The following LARGE1 variants were observed in gnomAD, a reference collection of about 807,000 sequenced individuals.
LARGE1 encodes LARGE xylosyl- and glucuronyltransferase 1.
A neutral mutation model predicts 87.6 loss-of-function variants in LARGE1; 43 were observed. That is an observed-to-expected ratio of 0.49 (90% CI 0.38 to 0.63). The LOEUF (loss-of-function observed/expected upper bound fraction) is 0.63, where lower values mean the gene tolerates loss of function less well. Among genes scored for constraint, LARGE1 ranks in the 30% least tolerant of loss-of-function variants. The pLI, the probability that LARGE1 is intolerant of heterozygous loss-of-function variation, is 0.00. For missense variants in LARGE1, 802 were observed against 1,000.2 expected (o/e 0.80, Z 2.67); for synonymous variants, 434 against 394.6 (o/e 1.10, Z -1.18).
intron 11 of LARGE1, among the ~76,000 whole-genome samples, chr22:33,199,941 C>CTGGGTT (rs1924291806): frequency 1.3e-5 from 2 of 151,924 alleles, no homozygotes; most frequent in African/African-American, 4.8e-5. Context: ...CCTCTGCCTC[C>CTGGGTT]CGGGTTCAAG....
chr22:33,562,174 A>G (rs1466675813), intron 6 of LARGE1, among the ~76,000 whole-genome samples: 1 of 152,238 alleles, frequency 6.6e-6, no homozygotes, highest in Non-Finnish European at 1.5e-5. Flanking sequence ...GGCTTCTAAT[A>G]GTTTGGTTTA....
At chr22:33,629,097 T>C (rs180744150) in intron 3 of LARGE1, among the ~76,000 whole-genome samples, 115 of 152,322 alleles carry the variant, frequency 7.5e-4, no homozygotes, top group African/African-American at 2.6e-3. Flanking sequence ...ATATTTTAAT[T>C]TCTCCACCTG....
intron 6 of LARGE1, among the ~76,000 whole-genome samples, chr22:33,461,041 G>A (rs2068361537): frequency 2.0e-5 from 3 of 152,056 alleles, no homozygotes; most frequent in South Asian, 2.1e-4. Context: ...CCAAGAACAC[G>A]AACTTACCAC....
chr22:33,294,326 TG>T (rs750324502), intron 12 of LARGE1, among the ~76,000 whole-genome samples: 269 of 152,338 alleles, frequency 1.8e-3, no homozygotes, highest in Non-Finnish European at 2.4e-3. Flanking sequence ...CTCGGAGCCC[TG>T]GGTTTCCACA....
At chr22:33,276,919 G>T in intron 14 of LARGE1, 141 bp downstream of exon 14, 2 of 842,284 alleles carry the variant, frequency 2.4e-6, no homozygotes, top group South Asian at 1.4e-5. Context: ...AAGAGCCCAA[G>T]GATCAGTACT....
chr22:33,817,345 A>G (rs2086684540), intron 1 of LARGE1, among the ~76,000 whole-genome samples: 2 of 152,126 alleles, frequency 1.3e-5, no homozygotes, highest in African/African-American at 4.8e-5. Flanking sequence ...AGCCCTTTGC[A>G]TATATATAAA....
At chr22:33,640,063 C>G (rs2080382130) in intron 3 of LARGE1, among the ~76,000 whole-genome samples, 1 of 152,216 alleles carries the variant, frequency 6.6e-6, no homozygotes, top group Non-Finnish European at 1.5e-5. Flanking sequence ...GTGGCAGCAT[C>G]TCTGGTTACG....
the LARGE1 span, among the ~76,000 whole-genome samples, chr22:33,121,272 A>T: frequency 6.6e-6 from 1 of 152,168 alleles, no homozygotes; most frequent in East Asian, 1.9e-4. Flanking sequence ...CTGTTTAGAA[A>T]AGTAAGCCAC....
At chr22:33,549,001 T>C (rs1384604415) in intron 6 of LARGE1, among the ~76,000 whole-genome samples, 1 of 152,220 alleles carries the variant, frequency 6.6e-6, no homozygotes. Flanking sequence ...ACCTTCCTTT[T>C]CTGATGGAGG....
At chr22:33,861,085 C>T (rs2063906071) in intron 1 of LARGE1, among the ~76,000 whole-genome samples, 1 of 152,186 alleles carries the variant, frequency 6.6e-6, no homozygotes, top group South Asian at 2.1e-4. Flanking sequence ...CCCAGGCAGC[C>T]TCTGCCTCGA....
At chr22:33,821,953 T>TG (rs972909381) in intron 1 of LARGE1, among the ~76,000 whole-genome samples, 3 of 27,260 alleles carry the variant, frequency 1.1e-4, no homozygotes, top group Non-Finnish European at 1.9e-4. Flanking sequence ...CTTTTTTAGG[T>TG]TTTTTTTTTT....
intron 6 of LARGE1, among the ~76,000 whole-genome samples, chr22:33,486,344 C>A (rs1328195923): frequency 6.6e-6 from 1 of 152,228 alleles, no homozygotes; most frequent in African/African-American, 2.4e-5. Flanking sequence ...AGAATCTGAT[C>A]ACCTATCCCT....
chr22:33,562,191 C>T (rs2077882891), intron 6 of LARGE1, among the ~76,000 whole-genome samples: 1 of 152,162 alleles, frequency 6.6e-6, no homozygotes, highest in Admixed American at 6.5e-5. Context: ...TTTAGAAAAA[C>T]AATCACACAC....
chr22:33,714,331 C>G (rs542509610), intron 2 of LARGE1, among the ~76,000 whole-genome samples: 1 of 152,198 alleles, frequency 6.6e-6, no homozygotes, highest in Admixed American at 6.5e-5. Flanking sequence ...GCTCTAGAGG[C>G]AGATAAGGCT....
exon 12 of LARGE1, chr22:33,162,296 AT>A (rs1922056868): frequency 6.6e-6 from 1 of 152,244 alleles, no homozygotes; most frequent in Non-Finnish European, 1.5e-5. Context: ...GAAATTTACA[AT>A]TATGGTGGAA....
At chr22:33,914,539 T>C (rs2065728643) in intron 1 of LARGE1, among the ~76,000 whole-genome samples, 1 of 152,222 alleles carries the variant, frequency 6.6e-6, no homozygotes, top group Non-Finnish European at 1.5e-5. Context: ...AACTAACGGG[T>C]TTCCACCATA....
intron 5 of LARGE1, among the ~76,000 whole-genome samples, chr22:33,597,432 C>T (rs1002152510): frequency 6.6e-6 from 1 of 152,068 alleles, no homozygotes; most frequent in Non-Finnish European, 1.5e-5. Context: ...CAGCAGTTTA[C>T]CCACCCCCTA....
intron 5 of LARGE1, among the ~76,000 whole-genome samples, chr22:33,597,439 C>G (rs373236924): frequency 5.3e-5 from 8 of 152,128 alleles, no homozygotes; most frequent in African/African-American, 1.7e-4. Flanking sequence ...TTACCCACCC[C>G]CTACATGACA....
At chr22:33,668,110 C>A (rs2081316134) in intron 2 of LARGE1, among the ~76,000 whole-genome samples, 1 of 152,204 alleles carries the variant, frequency 6.6e-6, no homozygotes, top group Non-Finnish European at 1.5e-5. Flanking sequence ...TAGAAACATT[C>A]CTTCCTGCAC....
Sources: gnomAD v4.1 joint callset for allele counts (sites outside exome capture counted in the v4.1 genomes callset) on GRCh38, gnomAD v4.1.1 for gene constraint, MANE v1.5 for transcripts, NCBI Gene and HGNC (gene_info 2026-07-23, HGNC 2026-07-21) for gene names.